The following IL1RAPL2 variants were observed in gnomAD, a reference collection of about 807,000 sequenced individuals.
The protein encoded by IL1RAPL2 is X-linked interleukin-1 receptor accessory protein-like 2.
A neutral mutation model predicts 44.1 loss-of-function variants in IL1RAPL2; 3 were observed. The ratio of observed to expected loss-of-function variants is 0.07; its 90% confidence interval spans 0.03 to 0.18. The LOEUF (loss-of-function observed/expected upper bound fraction) is 0.18. Ranked by LOEUF, IL1RAPL2 falls within the 10% of genes least tolerant of loss-of-function variation. IL1RAPL2 has a pLI of 1.00. For missense variants in IL1RAPL2, 391 were observed against 496.4 expected (o/e 0.79, Z 2.02); for synonymous variants, 181 against 178.8 (o/e 1.01, Z -0.10).
At chrX:104,846,804 G>C (rs769968127) in intron 2 of IL1RAPL2, among the ~76,000 whole-genome samples, 3 of 112,138 alleles carry the variant, frequency 2.7e-5, no homozygotes, top group Non-Finnish European at 5.6e-5. Context: ...CTAGTTTACA[G>C]TCCCACCAAC....
At chrX:104,718,327 G>T (rs192535764) in intron 2 of IL1RAPL2, among the ~76,000 whole-genome samples, 95 of 111,331 alleles carry the variant, frequency 8.5e-4, no homozygotes, top group African/African-American at 3.0e-3. Flanking sequence ...TCTCATTGTG[G>T]TTTTGATTTA....
intron 2 of IL1RAPL2, among the ~76,000 whole-genome samples, chrX:105,170,569 C>T (rs1602989909): frequency 9.0e-6 from 1 of 111,574 alleles, no homozygotes; most frequent in Non-Finnish European, 1.9e-5. Flanking sequence ...TCACAAGTGT[C>T]ATTTGTTTTG....
chrX:104,746,930 T>G (rs1932184869), intron 2 of IL1RAPL2, among the ~76,000 whole-genome samples: 1 of 111,418 alleles, frequency 9.0e-6, no homozygotes, highest in African/African-American at 3.3e-5. Flanking sequence ...GGAAGACCTA[T>G]ATCAATCCTT....
At chrX:105,442,681 A>T (rs1391791527) in intron 5 of IL1RAPL2, among the ~76,000 whole-genome samples, 2 of 112,308 alleles carry the variant, frequency 1.8e-5, no homozygotes, top group Non-Finnish European at 3.8e-5. Context: ...GTAGCATTTC[A>T]TACCCCAAGC....
At chrX:105,176,053 G>A (rs1038458313) in intron 2 of IL1RAPL2, among the ~76,000 whole-genome samples, 1 of 110,735 alleles carries the variant, frequency 9.0e-6, no homozygotes, top group Non-Finnish European at 1.9e-5. Flanking sequence ...TTAACAAAAA[G>A]TAAAGCGTAA....
chrX:105,677,535 A>G (rs1345354618), intron 6 of IL1RAPL2, among the ~76,000 whole-genome samples: 1 of 112,200 alleles, frequency 8.9e-6, no homozygotes. Context: ...GTCAGAAAGT[A>G]TTTTTTTCTT....
chrX:105,530,442 A>T (rs1225097508), intron 6 of IL1RAPL2, among the ~76,000 whole-genome samples: 4 of 110,243 alleles, frequency 3.6e-5, no homozygotes, highest in African/African-American at 9.9e-5. Flanking sequence ...TTAATTTTTT[A>T]ATTTTTAATT....
At chrX:104,983,626 G>T (rs1282743821) in intron 2 of IL1RAPL2, among the ~76,000 whole-genome samples, 1 of 92,514 alleles carries the variant, frequency 1.1e-5, no homozygotes, top group Non-Finnish European at 2.1e-5. Context: ...TATATTATAT[G>T]CATAATATAT....
intron 2 of IL1RAPL2, among the ~76,000 whole-genome samples, chrX:105,005,196 A>C (rs187241918): frequency 4.7e-4 from 52 of 111,403 alleles, no homozygotes; most frequent in African/African-American, 1.6e-3. Context: ...CTCCAACTAG[A>C]TTGTAAGTTT....
chrX:105,491,895 T>G (rs2036322278), intron 6 of IL1RAPL2, among the ~76,000 whole-genome samples: 1 of 111,811 alleles, frequency 8.9e-6, no homozygotes, highest in Admixed American at 9.5e-5. Flanking sequence ...AAGTTAACAG[T>G]TTACTAAATA....
chrX:105,241,196 A>G (rs1030868546), intron 4 of IL1RAPL2, among the ~76,000 whole-genome samples: 3 of 111,679 alleles, frequency 2.7e-5, no homozygotes, highest in Non-Finnish European at 5.6e-5. Flanking sequence ...AAAGAGACTT[A>G]ATTTCGAAAT....
intron 2 of IL1RAPL2, among the ~76,000 whole-genome samples, chrX:104,683,756 T>A (rs1930930186): frequency 8.9e-6 from 1 of 112,534 alleles, no homozygotes; most frequent in African/African-American, 3.2e-5. Flanking sequence ...CATCTATTCA[T>A]GTCAACTCAG....
chrX:105,661,155 T>C (rs779567296), intron 6 of IL1RAPL2, among the ~76,000 whole-genome samples: 1 of 110,739 alleles, frequency 9.0e-6, no homozygotes, highest in East Asian at 2.9e-4. Flanking sequence ...TCAGAAAAAA[T>C]AGATTTCAAG....
intron 2 of IL1RAPL2, among the ~76,000 whole-genome samples, chrX:104,891,411 T>C (rs749020034): frequency 2.4e-4 from 27 of 112,320 alleles, no homozygotes; most frequent in Non-Finnish European, 4.1e-4. Flanking sequence ...TTTCACAATA[T>C]TGATTCTTCC....
intron 2 of IL1RAPL2, among the ~76,000 whole-genome samples, chrX:104,774,136 C>T (rs994395399): frequency 1.8e-5 from 2 of 111,712 alleles, no homozygotes; most frequent in Admixed American, 1.9e-4. Flanking sequence ...CTGTGCCAGA[C>T]ACGACATTCA....
chrX:105,499,432 A>T (rs2036377856), intron 6 of IL1RAPL2, among the ~76,000 whole-genome samples: 1 of 111,432 alleles, frequency 9.0e-6, no homozygotes, highest in Non-Finnish European at 1.9e-5. Flanking sequence ...CAAAGGAAAT[A>T]ATCAGCAGAA....
At chrX:104,819,667 C>T (rs1424221307) in intron 2 of IL1RAPL2, among the ~76,000 whole-genome samples, 1 of 111,913 alleles carries the variant, frequency 8.9e-6, no homozygotes, top group Non-Finnish European at 1.9e-5. Context: ...TCCTAGTACA[C>T]GTTGTCCCTA....
chrX:105,678,812 G>A (rs745535084), intron 6 of IL1RAPL2, among the ~76,000 whole-genome samples: 1 of 111,364 alleles, frequency 9.0e-6, no homozygotes, highest in East Asian at 2.8e-4. Context: ...CAATTCTCTT[G>A]TCTTTCTTTG....
chrX:105,424,016 A>G (rs2035791491), intron 5 of IL1RAPL2, among the ~76,000 whole-genome samples: 1 of 111,827 alleles, frequency 8.9e-6, no homozygotes. Context: ...TACTTGTACC[A>G]AGCACCAGTA....
Sources: allele counts gnomAD v4.1 joint callset (sites outside exome capture counted in the v4.1 genomes callset), GRCh38; gene constraint gnomAD v4.1.1; transcripts MANE v1.5; gene names NCBI Gene and HGNC (gene_info 2026-07-23, HGNC 2026-07-21).